IL1RAPL1: variants seen among roughly 807,000 people sequenced by gnomAD.
IL1RAPL1 encodes the protein interleukin 1 receptor accessory protein like 1.
A neutral mutation model predicts 48.4 loss-of-function variants in IL1RAPL1; 3 were observed. The observed-to-expected ratio is 0.06, with a 90% CI of 0.03 to 0.16. The LOEUF (loss-of-function observed/expected upper bound fraction) is 0.16. IL1RAPL1 is among the 10% of genes least tolerant of loss of function. IL1RAPL1 has a pLI of 1.00. For missense variants in IL1RAPL1, 349 were observed against 530.6 expected (o/e 0.66, Z 3.36); for synonymous variants, 185 against 187.7 (o/e 0.99, Z 0.12).
intron 5 of IL1RAPL1, among the ~76,000 whole-genome samples, chrX:29,664,195 G>C (rs771461092): frequency 1.8e-5 from 2 of 111,543 alleles, no homozygotes; most frequent in Non-Finnish European, 3.8e-5. Flanking sequence ...ACGAGGTCAG[G>C]AGATCGAGAC....
At chrX:29,078,302 A>G (rs895700540) in intron 2 of IL1RAPL1, among the ~76,000 whole-genome samples, 2 of 112,220 alleles carry the variant, frequency 1.8e-5, no homozygotes, top group Non-Finnish European at 3.8e-5. Flanking sequence ...AAAACAAAAA[A>G]AACAAAAACA....
At chrX:29,564,652 C>T (rs752816311) in intron 5 of IL1RAPL1, among the ~76,000 whole-genome samples, 7 of 112,835 alleles carry the variant, frequency 6.2e-5, no homozygotes, top group South Asian at 3.7e-4. Flanking sequence ...TTTAATGGTC[C>T]GTGGGAAGCT....
intron 1 of IL1RAPL1, among the ~76,000 whole-genome samples, chrX:28,771,456 T>C (rs1936305846): frequency 9.0e-6 from 1 of 111,608 alleles, no homozygotes; most frequent in African/African-American, 3.3e-5. Context: ...AGAGTGTCAG[T>C]CACCGTGAAT....
chrX:29,264,246 G>T (rs928795735), intron 2 of IL1RAPL1, among the ~76,000 whole-genome samples: 1 of 111,470 alleles, frequency 9.0e-6, no homozygotes, highest in Non-Finnish European at 1.9e-5. Flanking sequence ...TTTCCTAAGC[G>T]TACTATGATT....
At chrX:28,718,330 AAAAT>A (rs1478739682) in intron 1 of IL1RAPL1, among the ~76,000 whole-genome samples, 1 of 112,129 alleles carries the variant, frequency 8.9e-6, no homozygotes, top group African/African-American at 3.2e-5. Context: ...AATGAATTAA[AAAAT>A]AAACTAAACC....
At chrX:29,502,774 T>C (rs1935288998) in intron 5 of IL1RAPL1, among the ~76,000 whole-genome samples, 1 of 112,031 alleles carries the variant, frequency 8.9e-6, no homozygotes, top group African/African-American at 3.2e-5. Flanking sequence ...TAGTTTTCTT[T>C]TTTTGTTGTG....
In IL1RAPL1 at chrX:29,586,007, AT is replaced by A. The variant is rs750980058; in HGVS notation, c.704-82421del. 2.3e-4 allele frequency among the ~76,000 whole-genome samples: 26 copies of A among 111,117 alleles called. No homozygotes were observed. In the East Asian group the frequency reaches 7.1e-3, roughly 30 times the overall value. On this transcript the variant is annotated intron_variant, in intron 5 of 10. Coordinates refer to ENST00000378993, the MANE Select transcript of IL1RAPL1 (RefSeq NM_014271.4). Reference sequence around the variant, plus strand: ...TATAAGTTGCCTCTTCATTCTCTTGATTGTTTTTTGTTGTTGTTGTCGTGTA... The same window carrying A: ...TATAAGTTGCCTCTTCATTCTCTTGATGTTTTTTGTTGTTGTTGTCGTGTA...
chrX:29,240,193 CACATATATATATATATATAT>C (rs1350700408), intron 2 of IL1RAPL1, among the ~76,000 whole-genome samples: 1 of 36,638 alleles, frequency 2.7e-5, no homozygotes, highest in African/African-American at 1.4e-4. Flanking sequence ...TACACACACA[CACATATATATATATATATAT>C]ATATATATAT....
intron 2 of IL1RAPL1, among the ~76,000 whole-genome samples, chrX:28,876,234 C>T (rs1384758514): frequency 1.8e-5 from 2 of 111,624 alleles, no homozygotes; most frequent in Admixed American, 1.9e-4. Flanking sequence ...GAGGAAGACT[C>T]CAAGTGGAAT....
chrX:29,653,021 C>G (rs764225407), intron 5 of IL1RAPL1, among the ~76,000 whole-genome samples: 1 of 111,881 alleles, frequency 8.9e-6, no homozygotes, highest in Non-Finnish European at 1.9e-5. Context: ...TTGCTTTGGG[C>G]TGGCATAGAT....
chrX:29,467,916 A>C (rs1299248711), intron 5 of IL1RAPL1, among the ~76,000 whole-genome samples: 1 of 111,208 alleles, frequency 9.0e-6, no homozygotes, highest in Non-Finnish European at 1.9e-5. Flanking sequence ...GCTGGAGTGC[A>C]GTGGCACAAC....
chrX:29,122,254 A>T (rs548814253), intron 2 of IL1RAPL1, among the ~76,000 whole-genome samples: 64 of 111,646 alleles, frequency 5.7e-4, no homozygotes, highest in South Asian at 3.8e-4. Flanking sequence ...GATAAGAGCA[A>T]TGTGCATCAC....
intron 5 of IL1RAPL1, among the ~76,000 whole-genome samples, chrX:29,405,691 G>GT (rs377555834): frequency 2.1e-4 from 22 of 106,428 alleles, no homozygotes; most frequent in East Asian, 8.9e-4. Flanking sequence ...GATTGTCTGT[G>GT]TTTTTTTTTT....
chrX:29,172,290 G>A (rs1390569496), intron 2 of IL1RAPL1, among the ~76,000 whole-genome samples: 1 of 111,639 alleles, frequency 9.0e-6, no homozygotes, highest in Non-Finnish European at 1.9e-5. Flanking sequence ...TTATGGCATT[G>A]GTTCTCAACG....
chrX:28,718,274 A>T (rs1200930994), intron 1 of IL1RAPL1, among the ~76,000 whole-genome samples: 2 of 111,936 alleles, frequency 1.8e-5, no homozygotes, highest in Non-Finnish European at 3.8e-5. Flanking sequence ...ATGGGTTTTT[A>T]AAATATCGTA....
At chrX:29,752,173 G>A (rs1420375549) in intron 6 of IL1RAPL1, among the ~76,000 whole-genome samples, 1 of 101,718 alleles carries the variant, frequency 9.8e-6, no homozygotes, top group Non-Finnish European at 2.0e-5. Context: ...AATAAACACT[G>A]CTGGATTTAT....
intron 6 of IL1RAPL1, among the ~76,000 whole-genome samples, chrX:29,867,890 G>A (rs773395414): frequency 3.6e-5 from 4 of 112,037 alleles, no homozygotes; most frequent in East Asian, 5.6e-4. Flanking sequence ...AATTCAGAAC[G>A]TGGAGATTTT....
intron 6 of IL1RAPL1, among the ~76,000 whole-genome samples, chrX:29,668,909 C>T (rs12116114): frequency 0.12 from 13,020 of 110,940 alleles, 695 homozygotes; most frequent in Middle Eastern, 0.22. Flanking sequence ...AAATAAATGT[C>T]ACCATTATGG....
At chrX:29,485,012 T>C (rs1309598753) in intron 5 of IL1RAPL1, among the ~76,000 whole-genome samples, 1 of 111,713 alleles carries the variant, frequency 9.0e-6, no homozygotes, top group Non-Finnish European at 1.9e-5. Context: ...GTAAAAACCA[T>C]TGTGTAAGCG....
Sources: allele counts gnomAD v4.1 joint callset (sites outside exome capture counted in the v4.1 genomes callset), GRCh38; gene constraint gnomAD v4.1.1; transcripts MANE v1.5; gene names NCBI Gene and HGNC (gene_info 2026-07-23, HGNC 2026-07-21).